Variants in STAB1 observed in about 807,000 individuals in gnomAD.
The protein encoded by STAB1 is stabilin 1.
Under a neutral mutation model 332.4 loss-of-function variants are expected in STAB1, and 250 were observed. The observed-to-expected ratio is 0.75, with a 90% CI of 0.68 to 0.84. The LOEUF (loss-of-function observed/expected upper bound fraction) is 0.84, where lower values mean the gene tolerates loss of function less well. STAB1 is among the 40% of genes least tolerant of loss of function. The probability of loss-of-function intolerance (pLI) is 0.00; values close to 1 mark genes in which losing one functional copy is unlikely to be tolerated. For missense variants in STAB1, 3,249 were observed against 3,489.7 expected, an observed-to-expected ratio of 0.93 and a Z score of 1.74; for synonymous variants, 1,475 against 1,390.4, an observed-to-expected ratio of 1.06 and a Z score of -1.35.
chr3:52,503,555 C>A lies in STAB1; in HGVS notation c.891+15C>A, dbSNP rs761629324. 20 of 1,611,056 alleles carry A rather than the reference C, an allele frequency of 1.2e-5. No individual in the cohort carries two copies. The highest frequency in any genetic ancestry group is 1.6e-5 in the Non-Finnish European group (19 of 1,178,632). On this transcript the variant is annotated intron_variant, in intron 8 of 68. Transcript: ENST00000321725. ...AGCCGGGCCAGGTGAGCCAGGGTCC[C>A]AGGCCGGAACTGTCCCCACAGTGCA...
At position 52,512,578 on chromosome 3, in the gene STAB1, A is replaced by G. The variant is rs1414836852; in HGVS notation, c.2980-18A>G. 2 of 1,613,860 alleles carry G rather than the reference A, an allele frequency of 1.2e-6. No homozygotes were observed. Among genetic ancestry groups the G allele is most frequent in the East Asian group, 2.2e-5 (1 of 44,868 alleles). ...TTTGCCCCTGGTCCTGTGACCTCAG[A>G]CTTTTCCCTTCCCTTAGGAGCTGGA... is the stretch of plus-strand genomic sequence containing the variant. On this transcript the variant is annotated intron_variant, in intron 27 of 68. Transcript: ENST00000321725.
At chr3:52,522,507 T>G in intron 60 of STAB1, 33 bp downstream of exon 60, 1 of 1,613,048 alleles carries the variant, frequency 6.2e-7, no homozygotes, top group East Asian at 2.2e-5. Context: ...AGTACCCATT[T>G]CATTCCTCAG....
intron 54 of STAB1, 41 bp from the exon 55 acceptor site, chr3:52,520,763 A>T (rs780294127): frequency 2.5e-6 from 4 of 1,612,522 alleles, no homozygotes; most frequent in Non-Finnish European, 3.4e-6. Context: ...GGACCACCAA[A>T]CTCAGAACCA....
Position 52,516,092 on chromosome 3 carries a change from C to T in STAB1, c.3998C>T (p.Pro1333Leu), listed in dbSNP as rs2078852131. ...GFFGTLCEPC[P>L]GGLGGVCSGH... The stretch of plus-strand genomic sequence containing the variant: ...TTTGGCACGCTGTGTGAGCCATGCC[C>T]AGGGGGTCTAGGGGGGGTGTGCTCA... The change falls in exon 38 of 69, where the codon CCA becomes CTA. Residue 1333 changes from proline (P) to leucine (L), a missense_variant. Physicochemically the swap from Pro to Leu is moderately conservative, Grantham distance 98 (BLOSUM62 -3). Coordinates refer to ENST00000321725, the MANE Select transcript of STAB1 (RefSeq NM_015136.3). 10 of 1,611,700 alleles carry T rather than the reference C, an allele frequency of 6.2e-6. No individual in the cohort carries two copies. The highest frequency in any genetic ancestry group is 8.5e-6 in the Non-Finnish European group (10 of 1,179,404).
At position 52,524,103 on chromosome 3, in the gene STAB1, G is replaced by A. The variant is rs754921625; in HGVS notation, c.7546G>A (p.Glu2516Lys). ...CTCACCCCTCTGCTGCTCCCAGGCG[G>A]AAGATGATGCTGATGACGACTTCTC... Reference protein sequence around the residue: ...MGFGFSAFQAEDDADDDFSPW... With the variant: ...MGFGFSAFQAKDDADDDFSPW... The change falls in exon 68 of 69, where the codon GAA becomes AAA. Residue 2516 changes from glutamate to lysine, a missense_variant. Coordinates refer to ENST00000321725, the MANE Select transcript of STAB1 (RefSeq NM_015136.3). The A allele has an allele frequency of 6.2e-7, 1 of 1,613,540 alleles. No homozygotes were observed. Among genetic ancestry groups the A allele is most frequent in the South Asian group, 1.1e-5 (1 of 91,086 alleles).
In STAB1 at chr3:52,523,559, A is replaced by T; in HGVS notation, c.7273A>T (p.Ser2425Cys). The T allele has an allele frequency of 1.2e-6, 2 of 1,612,794 alleles. No homozygotes were observed. Among genetic ancestry groups the T allele is most frequent in the Non-Finnish European group, 1.7e-6 (2 of 1,179,982 alleles). Reference protein sequence around the residue: ...LIISDAGPDNSSWAPVAPGTV... With the variant: ...LIISDAGPDNCSWAPVAPGTV... ...CATCAGTGACGCAGGCCCTGACAACAGTTCCTGGGCCCCTGTGGTGAGTCT... is the reference window on the plus strand; with the variant it reads ...CATCAGTGACGCAGGCCCTGACAACTGTTCCTGGGCCCCTGTGGTGAGTCT... Residue 2425 changes from serine to cysteine, a missense_variant, in exon 65 of 69, where the codon AGT becomes TGT. Physicochemically the swap from Ser to Cys is moderately radical, Grantham distance 112 (BLOSUM62 -1). Transcript: ENST00000321725.
At chr3:52,509,472 G>A in intron 22 of STAB1, 151 bp downstream of exon 22, 3 of 673,724 alleles carry the variant, frequency 4.5e-6, no homozygotes, top group Non-Finnish European at 7.4e-6. Flanking sequence ...ATGGGTCTGG[G>A]GGCTCTCAAG....
At chr3:52,514,068 GGACT>G (rs1486698001) in intron 32 of STAB1, 43 bp from the exon 33 acceptor site, 1 of 1,606,636 alleles carries the variant, frequency 6.2e-7, no homozygotes, top group East Asian at 2.2e-5. Context: ...CCCAGTGTCA[GGACT>G]GACAACTAAT....
chr3:52,501,903 G>A, intron 3 of STAB1, 103 bp from the exon 4 acceptor site: 1 of 1,489,254 alleles, frequency 6.7e-7, no homozygotes, highest in Admixed American at 1.8e-5. Context: ...CCTTGCTCTT[G>A]CTTCCTTGGG....
At chr3:52,500,639 G>A (rs191016059) in intron 1 of STAB1, among the ~76,000 whole-genome samples, 13 of 152,364 alleles carry the variant, frequency 8.5e-5, no homozygotes, top group African/African-American at 2.9e-4. Context: ...CATGAGTTGA[G>A]GATGGAGTCG....
intron 44 of STAB1, 86 bp from the exon 45 acceptor site, chr3:52,517,795 G>A (rs2078924179): frequency 6.3e-7 from 1 of 1,596,298 alleles, no homozygotes; most frequent in Non-Finnish European, 8.5e-7. Flanking sequence ...GCTGAGCAGG[G>A]GCCTTCATGG....
Position 52,507,604 on chromosome 3 carries a change from C to A in STAB1, c.1990-9C>A, listed in dbSNP as rs370643894. The stretch of plus-strand genomic sequence containing the variant: ...ACCCCTCTCCCCATCCTGCCCCTGC[C>A]CTGCCCAGGGCTCCTGTGTGGACTG... On this transcript the variant is annotated splice_polypyrimidine_tract_variant and intron_variant, in intron 18 of 68. Transcript: ENST00000321725. 1.2e-6 allele frequency: 2 copies of A among 1,612,898 alleles called. No individual in the cohort carries two copies. Among genetic ancestry groups the A allele is most frequent in the African/African-American group, 2.7e-5 (2 of 74,920 alleles).
intron 30 of STAB1, 70 bp downstream of exon 30, chr3:52,513,311 C>G (rs1575336940): frequency 1.4e-6 from 2 of 1,441,880 alleles, no homozygotes; most frequent in Non-Finnish European, 1.9e-6. Context: ...TGGCTGCAGG[C>G]TCTCCCACAT....
chr3:52,513,621 G>A lies in STAB1; in HGVS notation c.3271-96G>A, dbSNP rs1180360694. ...GGGCCAGCCTGCGGACCACCTGTGG[G>A]TGCCTGTGTGCCTGGCAGTCTCTCT... On this transcript the variant is annotated intron_variant, in intron 30 of 68. Coordinates refer to ENST00000321725, the MANE Select transcript of STAB1 (RefSeq NM_015136.3). 3.9e-6 allele frequency: 5 copies of A among 1,281,148 alleles called. No homozygotes were observed. The East Asian group carries it at 1.0e-4, about 26-fold the overall frequency. 79.4% of individuals were successfully genotyped at this position (1,281,148 alleles called of 1,614,324 possible).
chr3:52,518,331 A>T lies in STAB1; in HGVS notation c.4781A>T (p.His1594Leu), dbSNP rs1263194865. 2 of 1,612,848 alleles carry T rather than the reference A, an allele frequency of 1.2e-6. No homozygotes were observed. Among genetic ancestry groups the T allele is most frequent in the African/African-American group, 1.3e-5 (1 of 75,044 alleles). The change falls in exon 46 of 69, where the codon CAT (histidine) becomes CTT (leucine). Residue 1594 changes from histidine to leucine, a missense_variant. His to Leu is a moderately conservative substitution (Grantham distance 99). Transcript: ENST00000321725. ...CCCCAGGAGCTCCTGAGGGATAAGC[A>T]TGCCTCATTCTTCAGCCTCCGCCTC... ...RVGLELLRDK[H>L]ASFFSLRLLE...
Position 52,509,214 on chromosome 3 carries a change from G to A in STAB1, c.2240G>A (p.Ser747Asn). 1 of 1,613,566 alleles carries A rather than the reference G, an allele frequency of 6.2e-7. No homozygotes were observed. The highest frequency in any genetic ancestry group is 8.5e-7 in the Non-Finnish European group (1 of 1,179,878). The change falls in exon 22 of 69, where the codon AGT becomes AAT. Residue 747 changes from serine to asparagine, a missense_variant. Ser to Asn is a conservative substitution (Grantham distance 46, BLOSUM62 1). Coordinates refer to ENST00000321725, the MANE Select transcript of STAB1 (RefSeq NM_015136.3). ...TGCCTTCTGCTCACTCTCTAGTGCAGTGATGGGATCCAGGGCAATGGGGCC... is the reference window on the plus strand; with the variant it reads ...TGCCTTCTGCTCACTCTCTAGTGCAATGATGGGATCCAGGGCAATGGGGCC... Reference protein sequence around the residue: ...SNPCYGKGNCSDGIQGNGACL... With the variant: ...SNPCYGKGNCNDGIQGNGACL...
At chr3:52,501,616 C>T (rs902724504) in intron 2 of STAB1, 22 bp from the exon 3 acceptor site, 1 of 1,545,998 alleles carries the variant, frequency 6.5e-7, no homozygotes, top group Non-Finnish European at 8.7e-7. Context: ...TTTCCATCAC[C>T]CTGCCCACCC....
chr3:52,514,014 C>T (rs750649836), intron 32 of STAB1, 33 bp downstream of exon 32: 2 of 1,592,790 alleles, frequency 1.3e-6, no homozygotes, highest in Non-Finnish European at 8.6e-7. Context: ...GATGTGCCTG[C>T]TCGGGGGACA....
At chr3:52,504,580 C>T in intron 11 of STAB1, 31 bp downstream of exon 11, 2 of 1,613,298 alleles carry the variant, frequency 1.2e-6, no homozygotes, top group South Asian at 2.2e-5. Flanking sequence ...GAGCTGGCCA[C>T]TGGCCCTCAC....
Sources: gnomAD v4.1 joint callset for allele counts (sites outside exome capture counted in the v4.1 genomes callset) on GRCh38, gnomAD v4.1.1 for gene constraint, MANE v1.5 for transcripts, NCBI Gene and HGNC (gene_info 2026-07-23, HGNC 2026-07-21) for gene names.